Variants in PLCE1 observed in about 807,000 individuals in gnomAD.
PLCE1 encodes phospholipase C epsilon 1, also known as 1-phosphatidylinositol 4,5-bisphosphate phosphodiesterase epsilon-1.
A neutral mutation model predicts 242.8 loss-of-function variants in PLCE1; 119 were observed. That is an observed-to-expected ratio of 0.49 (90% CI 0.42 to 0.57). The LOEUF is 0.57. PLCE1 is among the 20% of genes least tolerant of loss of function. PLCE1 has a pLI of 0.00. For synonymous variants in PLCE1, 945 were observed against 1,017.4 expected, an observed-to-expected ratio of 0.93 and a Z score of 1.35; for missense variants, 2,441 against 2,788.8, an observed-to-expected ratio of 0.88 and a Z score of 2.81.
intron 27 of PLCE1, among the ~76,000 whole-genome samples, chr10:94,310,599 C>T (rs1217359363): frequency 2.0e-5 from 3 of 152,058 alleles, no homozygotes; most frequent in East Asian, 1.9e-4. Flanking sequence ...GGCAGGGCCG[C>T]GTGGTACAAA....
chr10:94,321,215 G>A (rs948182532), intron 29 of PLCE1, among the ~76,000 whole-genome samples: 2 of 152,166 alleles, frequency 1.3e-5, no homozygotes, highest in Non-Finnish European at 1.5e-5. Context: ...AATGCTCAAC[G>A]TCTGTGGAAA....
intron 2 of PLCE1, among the ~76,000 whole-genome samples, chr10:94,109,518 G>T (rs1590043968): frequency 6.6e-6 from 1 of 152,196 alleles, no homozygotes. Context: ...TGAGGCAGGA[G>T]AATCGCTTGA....
rs371524257 is a variant in PLCE1 at position 94,283,837 on chromosome 10, C to A, written c.4843C>A (p.Leu1615Ile). The A allele has an allele frequency of 6.2e-7, 1 of 1,612,274 alleles. No individual in the cohort carries two copies. The highest frequency in any genetic ancestry group is 1.1e-5 in the South Asian group (1 of 91,012). The change falls in exon 21 of 33, where the codon CTT (leucine) becomes ATT (isoleucine). Residue 1615 changes from leucine (L) to isoleucine (I), a missense_variant. Leu to Ile is a conservative substitution (Grantham distance 5). Around this residue, in one of 5 missense-constraint regions of PLCE1, gnomAD observed 1,004 missense variants for 1,322.7 expected, o/e 0.76. Coordinates refer to ENST00000371380, the MANE Select transcript of PLCE1 (RefSeq NM_016341.4). The stretch of plus-strand genomic sequence containing the variant: ...TGAAAATAAATCATGTAATGACAAG[C>A]TTCAGTTTGAATATAATGAAGAAAT... ...RPENKSCNDKLQFEYNEEIPK... is the reference protein window; with the variant it reads ...RPENKSCNDKIQFEYNEEIPK...
chr10:94,249,482 T>G (rs1370362212), intron 8 of PLCE1, among the ~76,000 whole-genome samples: 1 of 152,228 alleles, frequency 6.6e-6, no homozygotes, highest in Non-Finnish European at 1.5e-5. Context: ...GAAACAATGT[T>G]TGGGTTTTTC....
chr10:94,257,846 AC>A (rs1297213770), intron 11 of PLCE1, among the ~76,000 whole-genome samples: 1 of 152,208 alleles, frequency 6.6e-6, no homozygotes, highest in Non-Finnish European at 1.5e-5. Context: ...GGTGCAGCAT[AC>A]CAACATGGCA....
intron 3 of PLCE1, among the ~76,000 whole-genome samples, chr10:94,161,048 C>G (rs1564743775): frequency 6.6e-6 from 1 of 152,162 alleles, no homozygotes; most frequent in Non-Finnish European, 1.5e-5. Flanking sequence ...TGTGATGCCT[C>G]CAGCTTTGTT....
chr10:94,306,822 C>T lies in PLCE1; in HGVS notation c.5884+134C>T, dbSNP rs1234117224. The T allele has an allele frequency of 5.3e-6, 4 of 752,326 alleles. No homozygotes were observed. In the Admixed American group the frequency reaches 6.9e-5, roughly 13 times the overall value. The allele number at this position is 752,326 out of a possible 1,614,324, so 46.6% of individuals were successfully genotyped here. On this transcript the variant is annotated intron_variant, in intron 26 of 32. Coordinates refer to ENST00000371380, the MANE Select transcript of PLCE1 (RefSeq NM_016341.4). The surrounding 1 kb of genome is among the most constrained non-coding windows in gnomAD (Gnocchi z 5.7). ...TTGAATTAAGAAGCAAAAGGAAATA[C>T]AAATTGGAGCACTTTTGAAGCACAT...
intron 1 of PLCE1, among the ~76,000 whole-genome samples, chr10:94,015,570 A>T (rs536035724): frequency 2.0e-5 from 3 of 152,260 alleles, no homozygotes; most frequent in Admixed American, 2.0e-4. Flanking sequence ...TTGTTTAAAG[A>T]CTATTCTGGA....
chr10:93,994,745 A>G (rs1299613521), intron 1 of PLCE1, among the ~76,000 whole-genome samples: 1 of 152,244 alleles, frequency 6.6e-6, no homozygotes. Context: ...CACTAGAGCA[A>G]GAAGTCTTCT....
intron 2 of PLCE1, among the ~76,000 whole-genome samples, chr10:94,125,399 T>A (rs1017729661): frequency 7.0e-6 from 1 of 143,626 alleles, no homozygotes; most frequent in African/African-American, 2.6e-5. Context: ...TAGCGCCTTA[T>A]TTTTTTTTTT....
At chr10:94,300,133 C>A (rs7893741) in intron 24 of PLCE1, among the ~76,000 whole-genome samples, 1,856 of 152,260 alleles carry the variant, frequency 0.012, 45 homozygotes, top group African/African-American at 0.042. Context: ...AAGTCACTAT[C>A]AAAAGATTTT....
chr10:94,149,513 A>T (rs574627349), intron 3 of PLCE1, among the ~76,000 whole-genome samples: 55 of 152,214 alleles, frequency 3.6e-4, no homozygotes, highest in Non-Finnish European at 6.3e-4. Context: ...CCCTCTTGCA[A>T]CTAAAAGTGT....
At position 94,132,761 on chromosome 10, in the gene PLCE1, C is replaced by T. The variant is rs532692878; in HGVS notation, c.1492+302C>T. ...GTCAGGAGATCGAGACCATCCTGGCCAACACGGTGGAACACCATCTCTACT... is the reference window on the plus strand; with the variant it reads ...GTCAGGAGATCGAGACCATCCTGGCTAACACGGTGGAACACCATCTCTACT... On this transcript the variant is annotated intron_variant, in intron 3 of 32. Coordinates refer to ENST00000371380, the MANE Select transcript of PLCE1 (RefSeq NM_016341.4). Among the ~76,000 whole-genome samples the T allele has an allele frequency of 1.6e-3, 236 of 152,010 alleles. 1 individual carries two copies. The highest frequency in any genetic ancestry group is 4.9e-3 in the African/African-American group (205 of 41,466).
intron 4 of PLCE1, among the ~76,000 whole-genome samples, chr10:94,189,599 C>A (rs2048596767): frequency 6.6e-6 from 1 of 152,138 alleles, no homozygotes; most frequent in Non-Finnish European, 1.5e-5. Flanking sequence ...GAAGATCCAT[C>A]AGGAGAGAGT....
chr10:94,051,896 A>C (rs1475748829), intron 2 of PLCE1, among the ~76,000 whole-genome samples: 1 of 152,214 alleles, frequency 6.6e-6, no homozygotes, highest in Non-Finnish European at 1.5e-5. Flanking sequence ...CCTTGTAAAG[A>C]AAAATCGGTG....
At chr10:94,203,253 C>A (rs1417163260) in intron 4 of PLCE1, among the ~76,000 whole-genome samples, 1 of 152,148 alleles carries the variant, frequency 6.6e-6, no homozygotes, top group East Asian at 1.9e-4. Flanking sequence ...ACACTCTGCT[C>A]CCAACTGTGA....
At position 94,306,033 on chromosome 10, in the gene PLCE1, G is replaced by A. The variant is rs1006663328; in HGVS notation, c.5623-394G>A. On this transcript the variant is annotated intron_variant, in intron 25 of 32. Coordinates refer to ENST00000371380, the MANE Select transcript of PLCE1 (RefSeq NM_016341.4). This position sits in a 1 kb window ranked among gnomAD's most constrained non-coding sequence, Gnocchi z 5.7. ...TGTCACCAGGCTGGAGTACAGTGGC[G>A]TGATCTCAGCTCACTGCAACCTCTG... 1.3e-5 allele frequency among the ~76,000 whole-genome samples: 2 copies of A among 151,314 alleles called. No homozygotes were observed. Among genetic ancestry groups the A allele is most frequent in the East Asian group, 3.9e-4 (2 of 5,154 alleles).
chr10:94,257,908 C>T (rs1474499642), intron 11 of PLCE1, among the ~76,000 whole-genome samples: 1 of 152,130 alleles, frequency 6.6e-6, no homozygotes, highest in African/African-American at 2.4e-5. Context: ...TACCCTAGAA[C>T]TTAAAGTATA....
rs116794761 is a variant in PLCE1, at chr10:94,312,418, G to T, written c.6004-836G>T. 5.5e-3 allele frequency among the ~76,000 whole-genome samples: 836 copies of T among 152,302 alleles called. 5 individuals carry two copies. The highest frequency in any genetic ancestry group is 0.031 in the Middle Eastern group (9 of 294). On this transcript the variant is annotated intron_variant, in intron 27 of 32. Coordinates refer to ENST00000371380, the MANE Select transcript of PLCE1 (RefSeq NM_016341.4). Reference sequence around the variant, plus strand: ...CAGGTTAGTTGTAGAACTTGCTGAGGTTCCCAGAATGCCCTGCTGTAGGCC... The same window carrying T: ...CAGGTTAGTTGTAGAACTTGCTGAGTTTCCCAGAATGCCCTGCTGTAGGCC...
Sources: allele counts gnomAD v4.1 joint callset (sites outside exome capture counted in the v4.1 genomes callset), GRCh38; gene constraint gnomAD v4.1.1; regional missense constraint gnomAD v4.1.1; non-coding constraint Gnocchi (gnomAD v3.1); transcripts MANE v1.5; gene names NCBI Gene and HGNC (gene_info 2026-07-23, HGNC 2026-07-21).